Variants in FAM219A observed in about 807,000 individuals in gnomAD.
FAM219A encodes the protein family with sequence similarity 219 member A, also known as protein FAM219A.
A neutral mutation model predicts 23.4 loss-of-function variants in FAM219A; 7 were observed. The ratio of observed to expected loss-of-function variants is 0.30; its 90% CI spans 0.17 to 0.56. The LOEUF is 0.56. Ranked by LOEUF, FAM219A falls within the 20% of genes least tolerant of loss-of-function variation. FAM219A has a pLI of 0.92. For missense variants in FAM219A, 166 were observed against 246.9 expected (o/e 0.67, Z 2.20); for synonymous variants, 93 against 99.0 (o/e 0.94, Z 0.36).
rs575639308 is a variant in FAM219A, at chr9:34,401,628, C to T, written c.399+38G>A. 1.9e-6 allele frequency: 3 copies of T among 1,595,180 alleles called. No individual in the cohort carries two copies. The South Asian group carries it at 3.4e-5, about 18-fold the overall frequency. ...CTCCCCCGGGATGGCAGTGATCCTG[C>T]CCGGTGGTGTCTAGGGTGAGAAGGG... On this transcript the variant is annotated intron_variant, in intron 5 of 5. Transcript: ENST00000651358.
chr9:34,437,056 G>A (rs545702434), intron 1 of FAM219A, among the ~76,000 whole-genome samples: 1 of 152,296 alleles, frequency 6.6e-6, no homozygotes, highest in African/African-American at 2.4e-5. Flanking sequence ...GGACTAACTT[G>A]AGTTATGAGA....
chr9:34,455,612 A>C (rs565032634), intron 1 of FAM219A, among the ~76,000 whole-genome samples: 224 of 152,110 alleles, frequency 1.5e-3, no homozygotes, highest in Admixed American at 2.6e-3. Context: ...TACTACAGGC[A>C]TGCAGCACCA....
At chr9:34,443,235 C>T (rs573915963) in intron 1 of FAM219A, among the ~76,000 whole-genome samples, 1 of 152,144 alleles carries the variant, frequency 6.6e-6, no homozygotes, top group South Asian at 2.1e-4. Flanking sequence ...AATTGACCTT[C>T]GGGAACCGAA....
chr9:34,453,023 A>G (rs1224774672), intron 1 of FAM219A, among the ~76,000 whole-genome samples: 1 of 152,134 alleles, frequency 6.6e-6, no homozygotes, highest in African/African-American at 2.4e-5. Context: ...TGATGAGGAG[A>G]TGAGTAGTAA....
At chr9:34,401,233 C>A in intron 5 of FAM219A, 111 bp from the exon 6 acceptor site, 1 of 1,313,152 alleles carries the variant, frequency 7.6e-7, no homozygotes. Context: ...CCCTGGATAT[C>A]AGCCCCGCCC....
intron 1 of FAM219A, among the ~76,000 whole-genome samples, chr9:34,442,763 T>C (rs1460659333): frequency 1.3e-5 from 2 of 151,988 alleles, no homozygotes; most frequent in African/African-American, 4.8e-5. Context: ...CAACCAATTT[T>C]TAAGATGTTA....
intron 1 of FAM219A, among the ~76,000 whole-genome samples, chr9:34,442,884 A>G (rs1265320174): frequency 6.6e-6 from 1 of 152,236 alleles, no homozygotes; most frequent in African/African-American, 2.4e-5. Flanking sequence ...GTATAATGTT[A>G]TAGATGATTA....
chr9:34,436,251 T>C (rs1822913048), intron 1 of FAM219A, among the ~76,000 whole-genome samples: 2 of 152,008 alleles, frequency 1.3e-5, no homozygotes, highest in Admixed American at 6.6e-5. Context: ...TGGGATTTTT[T>C]TGGGTTTTTT....
chr9:34,400,690 G>C lies in FAM219A; in HGVS notation c.*274C>G. ...GGCCAGCCCTGGGAAGCGGGGCAGGGTGCTGGGTGAGGTTCCCCCAGGTAA... is the reference window on the plus strand; with the variant it reads ...GGCCAGCCCTGGGAAGCGGGGCAGGCTGCTGGGTGAGGTTCCCCCAGGTAA... On this transcript the variant is annotated 3_prime_UTR_variant, in exon 6 of 6. Coordinates refer to ENST00000651358, the MANE Select transcript of FAM219A (RefSeq NM_001184940.2). 1 of 350,130 alleles carries C rather than the reference G, an allele frequency of 2.9e-6. No individual in the cohort carries two copies. The highest frequency in any genetic ancestry group is 5.2e-6 in the Non-Finnish European group (1 of 193,704). The allele number at this position is 350,130 out of a possible 1,614,324, so 21.7% of individuals were successfully genotyped here.
intron 1 of FAM219A, among the ~76,000 whole-genome samples, chr9:34,416,273 G>GGGAAGGAA (rs74180565): frequency 0.19 from 22,067 of 114,070 alleles, 3,347 homozygotes; most frequent in Middle Eastern, 0.21. Context: ...GAGGGAGGGA[G>GGGAAGGAA]GGAAGGAAGG....
intron 1 of FAM219A, among the ~76,000 whole-genome samples, chr9:34,443,487 T>G (rs1054637311): frequency 6.6e-6 from 1 of 151,996 alleles, no homozygotes; most frequent in African/African-American, 2.4e-5. Context: ...ATCTCCTCAC[T>G]CTCTCCCACA....
At chr9:34,405,113 G>A (rs1821587134) in intron 2 of FAM219A, among the ~76,000 whole-genome samples, 1 of 152,138 alleles carries the variant, frequency 6.6e-6, no homozygotes, top group African/African-American at 2.4e-5. Flanking sequence ...GTCCTGTTTT[G>A]TAATTTCTCT....
rs1401677669 is a variant in FAM219A, at chr9:34,417,768, C to T, written c.61-11804G>A. 2.0e-5 allele frequency among the ~76,000 whole-genome samples: 3 copies of T among 152,156 alleles called. No individual in the cohort carries two copies. The highest frequency in any genetic ancestry group is 4.4e-5 in the Non-Finnish European group (3 of 68,032). The stretch of plus-strand genomic sequence containing the variant: ...GTTCCAGTCCTCATTTACCTGGTTC[C>T]CTCTGGGAAATCTTCTTTCATAGAA... On this transcript the variant is annotated intron_variant, in intron 1 of 5. Transcript: ENST00000651358. This position sits in a 1 kb window ranked among gnomAD's most constrained non-coding sequence, Gnocchi z 4.1.
At chr9:34,422,788 G>T (rs1035654020) in intron 1 of FAM219A, among the ~76,000 whole-genome samples, 4 of 152,186 alleles carry the variant, frequency 2.6e-5, no homozygotes, top group Non-Finnish European at 5.9e-5. Context: ...GGAGATGAAA[G>T]GGGCCTTAGC....
intron 1 of FAM219A, among the ~76,000 whole-genome samples, chr9:34,418,239 A>AT (rs1002465103): frequency 1.3e-5 from 2 of 151,950 alleles, no homozygotes; most frequent in Non-Finnish European, 2.9e-5. Flanking sequence ...AAATGAAGAG[A>AT]CAGGGGGCCA....
At chr9:34,436,040 G>A (rs1272856892) in intron 1 of FAM219A, among the ~76,000 whole-genome samples, 1 of 152,016 alleles carries the variant, frequency 6.6e-6, no homozygotes, top group Non-Finnish European at 1.5e-5. Flanking sequence ...CCTGACCTCA[G>A]GTGATCTACC....
At chr9:34,404,964 C>T (rs933104448) in intron 2 of FAM219A, among the ~76,000 whole-genome samples, 8 of 152,004 alleles carry the variant, frequency 5.3e-5, no homozygotes, top group Non-Finnish European at 8.8e-5. Context: ...GGCAAAGGGC[C>T]CTTAGGACTG....
chr9:34,445,733 G>A (rs1823346895), intron 1 of FAM219A, among the ~76,000 whole-genome samples: 1 of 152,178 alleles, frequency 6.6e-6, no homozygotes, highest in South Asian at 2.1e-4. Flanking sequence ...TCTAGGCCAC[G>A]CCAACCTCCA....
chr9:34,427,825 T>G (rs1018715759), intron 1 of FAM219A, among the ~76,000 whole-genome samples: 1 of 152,174 alleles, frequency 6.6e-6, no homozygotes, highest in African/African-American at 2.4e-5. Flanking sequence ...TCAAAGTTAT[T>G]TTGGAGAACA....
Sources: gnomAD v4.1 joint callset for allele counts (sites outside exome capture counted in the v4.1 genomes callset) on GRCh38, gnomAD v4.1.1 for gene constraint, Gnocchi (gnomAD v3.1) non-coding constraint, MANE v1.5 for transcripts, NCBI Gene and HGNC (gene_info 2026-07-23, HGNC 2026-07-21) for gene names.